Variants in MLLT3 observed in about 807,000 individuals in gnomAD.
MLLT3 encodes MLLT3 super elongation complex subunit, also known as protein AF-9.
MLLT3 carries 4 observed loss-of-function variants against 53.2 expected under a neutral mutation model. The ratio of observed to expected loss-of-function variants is 0.08; its 90% CI spans 0.04 to 0.17. MLLT3 has a LOEUF of 0.17. Among genes scored for constraint, MLLT3 ranks in the 10% least tolerant of loss-of-function variants. The pLI, the probability that MLLT3 is intolerant of heterozygous loss-of-function variation, is 1.00. For missense variants in MLLT3, 569 were observed against 684.0 expected, an observed-to-expected ratio of 0.83 and a Z score of 1.87; for synonymous variants, 283 against 230.6, an observed-to-expected ratio of 1.23 and a Z score of -2.06.
intron 2 of MLLT3, among the ~76,000 whole-genome samples, chr9:20,582,550 G>T (rs532152496): frequency 3.9e-4 from 60 of 152,226 alleles, no homozygotes; most frequent in African/African-American, 1.4e-3. Flanking sequence ...TATCAGTCCT[G>T]TTTCACCCTG....
At chr9:20,559,230 A>G (rs1227163807) in intron 2 of MLLT3, among the ~76,000 whole-genome samples, 1 of 152,254 alleles carries the variant, frequency 6.6e-6, no homozygotes, top group Non-Finnish European at 1.5e-5. Context: ...GTATTTTGGA[A>G]TATTTGTGTT....
intron 2 of MLLT3, among the ~76,000 whole-genome samples, chr9:20,459,846 A>G (rs1297733955): frequency 1.3e-5 from 2 of 152,248 alleles, no homozygotes; most frequent in Non-Finnish European, 2.9e-5. Flanking sequence ...TTCATCAATA[A>G]CAATGAACAA....
intron 4 of MLLT3, among the ~76,000 whole-genome samples, chr9:20,428,081 T>G (rs1177613451): frequency 6.6e-6 from 1 of 151,988 alleles, no homozygotes; most frequent in Non-Finnish European, 1.5e-5. Flanking sequence ...AAGTAAACAC[T>G]AAAAATCATG....
intron 5 of MLLT3, among the ~76,000 whole-genome samples, chr9:20,380,891 C>A (rs1821893679): frequency 6.6e-6 from 1 of 151,872 alleles, no homozygotes; most frequent in South Asian, 2.1e-4. Flanking sequence ...CGAAAGAAAG[C>A]CAGAAATACT....
At chr9:20,594,533 G>C (rs972918652) in intron 2 of MLLT3, among the ~76,000 whole-genome samples, 4 of 152,098 alleles carry the variant, frequency 2.6e-5, no homozygotes, top group Admixed American at 6.6e-5. Flanking sequence ...GTTGAATAGG[G>C]GCTGGGTAAA....
At chr9:20,622,118 C>G in intron 1 of MLLT3, 127 bp downstream of exon 1, 2 of 1,132,142 alleles carry the variant, frequency 1.8e-6, no homozygotes, top group Non-Finnish European at 2.5e-6. Context: ...GCGGCAGCTC[C>G]CTGCAAGCCG....
intron 2 of MLLT3, among the ~76,000 whole-genome samples, chr9:20,614,051 A>C (rs2131211318): frequency 6.6e-6 from 1 of 152,332 alleles, no homozygotes; most frequent in Non-Finnish European, 1.5e-5. Context: ...TTAAAAGATG[A>C]TATGCCACAA....
intron 4 of MLLT3, among the ~76,000 whole-genome samples, chr9:20,430,452 C>T (rs1823236960): frequency 6.6e-6 from 1 of 152,068 alleles, no homozygotes; most frequent in Admixed American, 6.6e-5. Flanking sequence ...GAAATGTACA[C>T]CCTTCCAAAC....
At position 20,345,465 on chromosome 9, in the gene MLLT3, GT is replaced by G. The variant is rs35087066; in HGVS notation, c.*977del. Reference sequence around the variant, plus strand: ...ATCCAAATTAAGAATTTCTACAACAGTTTTTTTTTTTAGAAAACAGGACCAG... The same window carrying G: ...ATCCAAATTAAGAATTTCTACAACAGTTTTTTTTTTAGAAAACAGGACCAG... On this transcript the variant is annotated 3_prime_UTR_variant, in exon 11 of 11. Coordinates refer to ENST00000380338, the MANE Select transcript of MLLT3 (RefSeq NM_004529.4). 1.3e-3 allele frequency: 245 copies of G among 188,736 alleles called. No homozygotes were observed. Among genetic ancestry groups the G allele is most frequent in the Middle Eastern group, 5.5e-3 (3 of 546 alleles). The allele number at this position is 188,736 out of a possible 1,614,324, so 11.7% of individuals were successfully genotyped here. A position where few individuals can be genotyped will look rare whatever the true frequency, so the allele number is the denominator to read the frequency against.
rs1416412926 is a variant in MLLT3, at chr9:20,414,423, G to A, written c.423C>T (p.Asp141=). The change falls in exon 5 of 11, where the codon GAC becomes GAT. Residue 141 remains aspartate, a splice_region_variant and synonymous_variant. Transcript: ENST00000380338. ...FRRKLLKAGG[D]PNRSIHTSSS... is the part of the protein sequence containing the mutation. The stretch of plus-strand genomic sequence containing the variant: ...TGCTGGTATGAATACTCCTATTAGG[G>A]TCCTGCAAAAAGGGGAGAAGAAAAT... 1 of 1,605,702 alleles carries A rather than the reference G, an allele frequency of 6.2e-7. No individual in the cohort carries two copies. The highest frequency in any genetic ancestry group is 1.7e-5 in the Admixed American group (1 of 59,862).
rs34950474 is a variant in MLLT3, at chr9:20,342,834, GTATA to G, written c.*3605_*3608del. The stretch of plus-strand genomic sequence containing the variant: ...AAGATTACTCTGATAATATATATGT[GTATA>G]TATATATATATATGTATATATAAAT... On this transcript the variant is annotated 3_prime_UTR_variant, in exon 11 of 11. Transcript: ENST00000380338. 24 of 166,572 alleles carry G rather than the reference GTATA, an allele frequency of 1.4e-4. No individual in the cohort carries two copies. The highest frequency in any genetic ancestry group is 2.5e-3 in the Middle Eastern group (1 of 408). 10.3% of individuals were successfully genotyped at this position (166,572 alleles called of 1,614,324 possible).
At chr9:20,579,604 G>T (rs2131172794) in intron 2 of MLLT3, among the ~76,000 whole-genome samples, 1 of 152,246 alleles carries the variant, frequency 6.6e-6, no homozygotes, top group East Asian at 1.9e-4. Flanking sequence ...AAAACAAGAA[G>T]TTGATGAGAG....
intron 2 of MLLT3, among the ~76,000 whole-genome samples, chr9:20,501,161 A>T (rs116556788): frequency 0.042 from 6,388 of 152,246 alleles, 432 homozygotes; most frequent in African/African-American, 0.14. Context: ...ACTTCCATAA[A>T]TCATGATGTC....
intron 2 of MLLT3, among the ~76,000 whole-genome samples, chr9:20,524,328 T>C (rs758722189): frequency 6.6e-6 from 1 of 151,986 alleles, no homozygotes; most frequent in Admixed American, 6.6e-5. Flanking sequence ...AAATACTATT[T>C]GTATCAAGAT....
rs771355312 is a variant in MLLT3, at chr9:20,620,733, A to G, written c.114T>C (p.Gly38=). 1.3e-5 allele frequency: 21 copies of G among 1,614,128 alleles called. No individual in the cohort carries two copies. The highest frequency in any genetic ancestry group is 1.7e-5 in the Non-Finnish European group (20 of 1,180,012). The change falls in exon 2 of 11, where the codon GGT becomes GGC. Residue 38 remains glycine, a synonymous_variant. Coordinates refer to ENST00000380338, the MANE Select transcript of MLLT3 (RefSeq NM_004529.4). The surrounding 1 kb of genome is among the most constrained non-coding windows in gnomAD (Gnocchi z 6.1). ...AGTGCTGTATGTTACTGTGCTCCGG[A>G]CCGCGTACGAACACCATCCAGTCGT... The part of the protein sequence containing the change: ...FTHDWMVFVR[G]PEHSNIQHFV...
chr9:20,401,025 A>G (rs1410660201), intron 5 of MLLT3, among the ~76,000 whole-genome samples: 1 of 152,174 alleles, frequency 6.6e-6, no homozygotes, highest in Non-Finnish European at 1.5e-5. Context: ...TAAGAATCCA[A>G]ACTAAGCGCT....
chr9:20,446,278 T>A (rs952851774), intron 4 of MLLT3, among the ~76,000 whole-genome samples: 1 of 152,150 alleles, frequency 6.6e-6, no homozygotes, highest in African/African-American at 2.4e-5. Flanking sequence ...CTAATTCTAA[T>A]AGGAAAATAT....
intron 5 of MLLT3, among the ~76,000 whole-genome samples, chr9:20,400,452 T>C (rs1470577853): frequency 1.3e-5 from 2 of 152,190 alleles, no homozygotes; most frequent in Non-Finnish European, 2.9e-5. Flanking sequence ...TATTTGATGA[T>C]ATTAAGACTT....
At chr9:20,494,674 T>G (rs561875798) in intron 2 of MLLT3, among the ~76,000 whole-genome samples, 9 of 152,246 alleles carry the variant, frequency 5.9e-5, no homozygotes, top group Admixed American at 1.3e-4. Context: ...CTAAAAAGTC[T>G]TTTCAAATTA....
Sources: gnomAD v4.1 joint callset for allele counts (sites outside exome capture counted in the v4.1 genomes callset) on GRCh38, gnomAD v4.1.1 for gene constraint, Gnocchi (gnomAD v3.1) non-coding constraint, MANE v1.5 for transcripts, NCBI Gene and HGNC (gene_info 2026-07-23, HGNC 2026-07-21) for gene names.